The following EPB41L5 variants were observed in gnomAD, a reference collection of about 807,000 sequenced individuals.
The protein encoded by EPB41L5 is band 4.1-like protein 5.
A neutral mutation model predicts 106.6 loss-of-function variants in EPB41L5; 55 were observed. The observed-to-expected ratio is 0.52, with a 90% CI of 0.42 to 0.65. The LOEUF (loss-of-function observed/expected upper bound fraction) is 0.65, where lower values mean the gene tolerates loss of function less well. EPB41L5 is among the 30% of genes least tolerant of loss of function. The pLI is 0.00. For missense variants in EPB41L5, 871 were observed against 882.1 expected (o/e 0.99, Z 0.16); for synonymous variants, 297 against 306.7 (o/e 0.97, Z 0.33).
At chr2:120,143,210 T>C (rs1339359989) in intron 19 of EPB41L5, 79 bp downstream of exon 19, 1 of 1,343,022 alleles carries the variant, frequency 7.4e-7, no homozygotes, top group African/African-American at 1.5e-5. Context: ...CAACTCTAAA[T>C]TCTAATCAAG....
Position 120,037,459 on chromosome 2 carries a change from A to G in EPB41L5, c.181-4547A>G, listed in dbSNP as rs1161161142. ...GGGAGCCAAAACAATCTTGAAAAGA[A>G]GAAGAAAGTTAGAGGACTCACAGTT... On this transcript the variant is annotated intron_variant, in intron 2 of 24. Coordinates refer to ENST00000263713, the MANE Select transcript of EPB41L5 (RefSeq NM_020909.4). Among the ~76,000 whole-genome samples, 9 of 152,346 alleles carry G rather than the reference A, an allele frequency of 5.9e-5. No homozygotes were observed. In the East Asian group the frequency reaches 1.5e-3, roughly 26 times the overall value.
intron 17 of EPB41L5, 26 bp downstream of exon 17, chr2:120,127,877 A>C: frequency 3.9e-6 from 6 of 1,521,172 alleles, no homozygotes; most frequent in Non-Finnish European, 5.3e-6. Flanking sequence ...ATTATACATC[A>C]GTGATACCTT....
chr2:120,066,913 G>C (rs2105299482), intron 3 of EPB41L5, among the ~76,000 whole-genome samples: 1 of 152,336 alleles, frequency 6.6e-6, no homozygotes, highest in East Asian at 1.9e-4. Flanking sequence ...GCTGGACAGT[G>C]ATGGATGAAC....
chr2:120,118,533 G>C (rs929688919), intron 16 of EPB41L5, among the ~76,000 whole-genome samples: 1 of 151,916 alleles, frequency 6.6e-6, no homozygotes, highest in African/African-American at 2.4e-5. Context: ...ACAGGCCCCA[G>C]TGTGTGTTGT....
chr2:120,171,744 T>C (rs1687683167), intron 24 of EPB41L5, among the ~76,000 whole-genome samples: 1 of 152,188 alleles, frequency 6.6e-6, no homozygotes, highest in Non-Finnish European at 1.5e-5. Flanking sequence ...AGCCCATTCG[T>C]TGATGAGTTT....
intron 2 of EPB41L5, among the ~76,000 whole-genome samples, chr2:120,019,910 GAT>G (rs1272333977): frequency 0.01 from 68 of 6,582 alleles, 1 homozygote; most frequent in African/African-American, 0.019. Flanking sequence ...ATTTTGGATA[GAT>G]TTTTTTTTTT....
intron 14 of EPB41L5, among the ~76,000 whole-genome samples, chr2:120,099,215 A>G (rs1683972817): frequency 6.6e-6 from 1 of 151,964 alleles, no homozygotes; most frequent in South Asian, 2.1e-4. Context: ...TACTTCAGGG[A>G]TACCATTTAT....
At chr2:120,089,327 ACTAC>A (rs1683259582) in intron 11 of EPB41L5, among the ~76,000 whole-genome samples, 1 of 152,074 alleles carries the variant, frequency 6.6e-6, no homozygotes, top group Non-Finnish European at 1.5e-5. Flanking sequence ...TAACCCCCTG[ACTAC>A]CTACCCCCTT....
At chr2:120,169,851 C>T (rs889089878) in intron 24 of EPB41L5, among the ~76,000 whole-genome samples, 2 of 152,136 alleles carry the variant, frequency 1.3e-5, no homozygotes, top group Admixed American at 1.3e-4. Flanking sequence ...ATTCAAACTA[C>T]CATGTCACAG....
At chr2:120,063,803 G>A (rs1157216129) in intron 3 of EPB41L5, among the ~76,000 whole-genome samples, 3 of 152,228 alleles carry the variant, frequency 2.0e-5, no homozygotes, top group East Asian at 1.9e-4. Context: ...TTAGCCGGGC[G>A]TGGTGGCGGG....
intron 24 of EPB41L5, among the ~76,000 whole-genome samples, chr2:120,169,839 A>C (rs149495949): frequency 6.6e-6 from 1 of 152,358 alleles, no homozygotes; most frequent in East Asian, 1.9e-4. Flanking sequence ...TGGGGAATGT[A>C]AATTCAAACT....
At chr2:120,129,421 C>T (rs1685602821) in intron 17 of EPB41L5, among the ~76,000 whole-genome samples, 1 of 151,998 alleles carries the variant, frequency 6.6e-6, no homozygotes, top group Admixed American at 6.5e-5. Context: ...ATAGCAAAGC[C>T]ATCAGGATTT....
chr2:120,159,588 A>G (rs1687058795), intron 20 of EPB41L5, among the ~76,000 whole-genome samples: 1 of 152,184 alleles, frequency 6.6e-6, no homozygotes, highest in Admixed American at 6.5e-5. Context: ...AAAAGCCCAA[A>G]TAGCCAAGGC....
intron 21 of EPB41L5, among the ~76,000 whole-genome samples, chr2:120,161,598 G>T (rs571993986): frequency 6.6e-5 from 10 of 152,160 alleles, no homozygotes; most frequent in Non-Finnish European, 1.2e-4. Flanking sequence ...TTAGATGAAA[G>T]AATTAAGGGA....
chr2:120,078,281 T>C (rs1682395136), intron 9 of EPB41L5, among the ~76,000 whole-genome samples: 1 of 152,218 alleles, frequency 6.6e-6, no homozygotes, highest in Admixed American at 6.5e-5. Context: ...TTTAAAACTC[T>C]AGTGTTTCAA....
intron 3 of EPB41L5, among the ~76,000 whole-genome samples, chr2:120,044,683 G>T (rs774404351): frequency 7.8e-4 from 119 of 152,076 alleles, no homozygotes; most frequent in Non-Finnish European, 1.5e-3. Flanking sequence ...ATTCCATATT[G>T]ATTTTTTTCT....
chr2:120,076,897 A>G, intron 7 of EPB41L5, 74 bp from the exon 8 acceptor site: 2 of 1,297,268 alleles, frequency 1.5e-6, no homozygotes, highest in Non-Finnish European at 2.1e-6. Flanking sequence ...TAATCTTAGC[A>G]GTTTTCATTA....
At chr2:120,092,891 A>G (rs1178533605) in intron 13 of EPB41L5, among the ~76,000 whole-genome samples, 3 of 152,234 alleles carry the variant, frequency 2.0e-5, no homozygotes, top group Non-Finnish European at 2.9e-5. Context: ...AATAATTGCC[A>G]TTGTTGCCTC....
At chr2:120,036,287 G>T (rs1679033777) in intron 2 of EPB41L5, among the ~76,000 whole-genome samples, 1 of 152,150 alleles carries the variant, frequency 6.6e-6, no homozygotes, top group South Asian at 2.1e-4. Context: ...TGTGGACAAA[G>T]AATGAATTAT....
Sources: allele counts gnomAD v4.1 joint callset (sites outside exome capture counted in the v4.1 genomes callset), GRCh38; gene constraint gnomAD v4.1.1; transcripts MANE v1.5; gene names NCBI Gene and HGNC (gene_info 2026-07-23, HGNC 2026-07-21).